TLN2: variants seen among roughly 807,000 people sequenced by gnomAD.
The protein encoded by TLN2 is talin-2.
Under a neutral mutation model 294.7 loss-of-function variants are expected in TLN2, and 118 were observed. The observed-to-expected ratio is 0.40, with a 90% CI of 0.34 to 0.47. The LOEUF is 0.47. TLN2 is among the 20% of genes least tolerant of loss of function. The pLI is 0.84. For synonymous variants in TLN2, 1,431 were observed against 1,304.5 expected, an observed-to-expected ratio of 1.10 and a Z score of -2.09; for missense variants, 3,083 against 3,282.2, an observed-to-expected ratio of 0.94 and a Z score of 1.48.
rs1219188835 is a variant in TLN2 at position 62,736,911 on chromosome 15, A to G, written c.3392A>G (p.Lys1131Arg). The G allele has an allele frequency of 6.2e-7, 1 of 1,614,064 alleles. No individual in the cohort carries two copies. The highest frequency in any genetic ancestry group is 8.5e-7 in the Non-Finnish European group (1 of 1,180,046). The change falls in exon 29 of 59, where the codon AAA becomes AGA. Residue 1131 changes from lysine to arginine, a missense_variant. Coordinates refer to ENST00000636159, the MANE Select transcript of TLN2 (RefSeq NM_015059.3). ...VAARETAQAL[K>R]TLAQAARGVA... ...GCTAGAGAGACGGCCCAAGCTCTGAAAACACTGGCCCAGGCCGCCCGTGGA... is the reference window on the plus strand; with the variant it reads ...GCTAGAGAGACGGCCCAAGCTCTGAGAACACTGGCCCAGGCCGCCCGTGGA...
Position 62,447,435 on chromosome 15 carries a change from C to G in TLN2, c.-238+56750C>G, listed in dbSNP as rs987538106. ...ATGGAGTGGTGGATGCTTCACACTT[C>G]AAAATCTCTGAGGCTCAGTCTTTCT... On this transcript the variant is annotated intron_variant, in intron 1 of 58. Coordinates refer to ENST00000636159, the MANE Select transcript of TLN2 (RefSeq NM_015059.3). 2.8e-4 allele frequency among the ~76,000 whole-genome samples: 42 copies of G among 150,760 alleles called. 1 individual carries two copies. The highest frequency in any genetic ancestry group is 3.5e-3 in the Middle Eastern group (1 of 288).
chr15:62,493,225 A>G (rs1489957936), intron 1 of TLN2, among the ~76,000 whole-genome samples: 2 of 152,190 alleles, frequency 1.3e-5, no homozygotes, highest in African/African-American at 4.8e-5. Flanking sequence ...TGAAATTGCC[A>G]GAAACAGCAG....
At chr15:62,655,443 C>T (rs1348337795) in intron 7 of TLN2, among the ~76,000 whole-genome samples, 1 of 152,180 alleles carries the variant, frequency 6.6e-6, no homozygotes, top group Non-Finnish European at 1.5e-5. Flanking sequence ...TCCCTCCATA[C>T]TTTCATTTTC....
chr15:62,681,976 A>G (rs770402896), intron 11 of TLN2, among the ~76,000 whole-genome samples: 20 of 152,062 alleles, frequency 1.3e-4, no homozygotes, highest in Admixed American at 5.9e-4. Context: ...TCTGGTCTTG[A>G]GCTCCTGGCT....
chr15:62,784,110 G>A, intron 45 of TLN2: 1 of 692,906 alleles, frequency 1.4e-6, no homozygotes, highest in Non-Finnish European at 2.3e-6. Context: ...AAGAACTGGG[G>A]CATGGGCTTT....
In TLN2 at chr15:62,478,022, C is replaced by T. The variant is rs530577766; in HGVS notation, c.-238+87337C>T. Reference sequence around the variant, plus strand: ...TTTCATAAGCAGCTAAATTGATTCTCGCCCTAAATAGTTAACAGCTCTAAC... The same window carrying T: ...TTTCATAAGCAGCTAAATTGATTCTTGCCCTAAATAGTTAACAGCTCTAAC... On this transcript the variant is annotated intron_variant, in intron 1 of 58. Transcript: ENST00000636159. Among the ~76,000 whole-genome samples, 30 of 152,266 alleles carry T rather than the reference C, an allele frequency of 2.0e-4. No homozygotes were observed. The South Asian group carries it at 3.1e-3, about 16-fold the overall frequency.
At chr15:62,754,156 A>G (rs1007425247) in intron 36 of TLN2, 2 of 425,660 alleles carry the variant, frequency 4.7e-6, no homozygotes, top group African/African-American at 2.0e-5. Flanking sequence ...AAGTAATCAC[A>G]GTGAGATTGA....
intron 1 of TLN2, among the ~76,000 whole-genome samples, chr15:62,442,492 C>CAA (rs756778889): frequency 0.02 from 1,316 of 65,010 alleles, 168 homozygotes; most frequent in Non-Finnish European, 0.023. Flanking sequence ...GACTCTGTCT[C>CAA]AGAAAAAAAA....
chr15:62,530,818 C>T lies in TLN2; in HGVS notation c.-237-58869C>T, dbSNP rs185394423. Among the ~76,000 whole-genome samples the T allele has an allele frequency of 1.3e-4, 20 of 152,242 alleles. 1 individual carries two copies. In the East Asian group the frequency reaches 3.5e-3, roughly 26 times the overall value. On this transcript the variant is annotated intron_variant, in intron 1 of 58. Transcript: ENST00000636159. ...AAAAATAGTATCTTTTTTAATTTTG[C>T]ATTTCTCTAAGTGGAGTTGAACGTT...
At position 62,805,583 on chromosome 15, in the gene TLN2, C is replaced by A; in HGVS notation, c.6478-17C>A. The A allele has an allele frequency of 1.9e-6, 3 of 1,580,280 alleles. No homozygotes were observed. The highest frequency in any genetic ancestry group is 2.6e-6 in the Non-Finnish European group (3 of 1,158,124). On this transcript the variant is annotated splice_polypyrimidine_tract_variant and intron_variant, in intron 50 of 58. Transcript: ENST00000636159. ...TTCCTTTTTGATTTTTTTAACCTCT[C>A]TGTTTCTGACTTCCAGGTGTTCCAG...
chr15:62,586,378 G>A (rs1596253915), intron 1 of TLN2, among the ~76,000 whole-genome samples: 1 of 152,224 alleles, frequency 6.6e-6, no homozygotes, highest in African/African-American at 2.4e-5. Context: ...GGAGCTGCCA[G>A]CAGATGAAGG....
chr15:62,442,854 C>A (rs2471037), intron 1 of TLN2, among the ~76,000 whole-genome samples: 140,061 of 152,102 alleles, frequency 0.92, 65,320 homozygotes, highest in East Asian at 1. Flanking sequence ...ATTTTCCTGG[C>A]GGCTCTAGGA....
chr15:62,507,446 G>C (rs1401862509), intron 1 of TLN2, among the ~76,000 whole-genome samples: 1 of 152,186 alleles, frequency 6.6e-6, no homozygotes, highest in Non-Finnish European at 1.5e-5. Context: ...TTGCCCTAAG[G>C]CTGGTCCTTC....
intron 1 of TLN2, among the ~76,000 whole-genome samples, chr15:62,464,531 C>G (rs1351747768): frequency 6.6e-6 from 1 of 151,616 alleles, no homozygotes; most frequent in South Asian, 2.1e-4. Flanking sequence ...ATATATCAAA[C>G]CTGCAGATTG....
chr15:62,418,535 G>T (rs1027328782), intron 1 of TLN2, among the ~76,000 whole-genome samples: 4 of 152,180 alleles, frequency 2.6e-5, no homozygotes, highest in African/African-American at 4.8e-5. Context: ...TTTAAAACTA[G>T]TTATTGGAAA....
At chr15:62,740,046 T>TG (rs1296959578) in intron 31 of TLN2, among the ~76,000 whole-genome samples, 1 of 136,550 alleles carries the variant, frequency 7.3e-6, no homozygotes, top group Non-Finnish European at 1.6e-5. Context: ...CTGTGTTTTT[T>TG]GTTTTTTTTT....
Position 62,647,206 on chromosome 15 carries a change from TTTTG to T in TLN2, c.-36-65_-36-62del, listed in dbSNP as rs1367046493. On this transcript the variant is annotated intron_variant, in intron 3 of 58. Coordinates refer to ENST00000636159, the MANE Select transcript of TLN2 (RefSeq NM_015059.3). ...AGTTGATTTTAAAGTCCAGCACTTT[TTTTG>T]TTTTTTTTTCCCCAAGACAAATTAT... 18 of 1,431,910 alleles carry T rather than the reference TTTTG, an allele frequency of 1.3e-5. No homozygotes were observed. The South Asian group carries it at 2.4e-4, about 19-fold the overall frequency. 88.7% of individuals were successfully genotyped at this position (1,431,910 alleles called of 1,614,324 possible). A position where few individuals can be genotyped will look rare whatever the true frequency, so the allele number is the denominator to read the frequency against.
intron 16 of TLN2, among the ~76,000 whole-genome samples, chr15:62,700,102 A>G (rs1466256911): frequency 1.3e-5 from 2 of 152,228 alleles, no homozygotes; most frequent in East Asian, 1.9e-4. Context: ...CAGGTACCCA[A>G]AAACAATAAA....
At chr15:62,515,915 C>T (rs1180117551) in intron 1 of TLN2, among the ~76,000 whole-genome samples, 1 of 152,212 alleles carries the variant, frequency 6.6e-6, no homozygotes, top group Admixed American at 6.5e-5. Context: ...CTGGCATGTC[C>T]CGCTGTGCAG....
Sources: allele counts gnomAD v4.1 joint callset (sites outside exome capture counted in the v4.1 genomes callset), GRCh38; gene constraint gnomAD v4.1.1; transcripts MANE v1.5; gene names NCBI Gene and HGNC (gene_info 2026-07-23, HGNC 2026-07-21).